The following ARID4A variants were observed in gnomAD, a reference collection of about 807,000 sequenced individuals.
The protein encoded by ARID4A is AT-rich interactive domain-containing protein 4A.
A neutral mutation model predicts 148.6 loss-of-function variants in ARID4A; 39 were observed. That is an observed-to-expected ratio of 0.26 (90% CI 0.20 to 0.34). The LOEUF is 0.34. ARID4A is among the 10% of genes least tolerant of loss of function. The pLI is 1.00. For missense variants in ARID4A, 1,265 were observed against 1,449.1 expected (o/e 0.87, Z 2.06); for synonymous variants, 475 against 481.2 (o/e 0.99, Z 0.17).
intron 11 of ARID4A, among the ~76,000 whole-genome samples, chr14:58,334,357 A>G (rs909989909): frequency 2.0e-5 from 3 of 152,182 alleles, no homozygotes; most frequent in Non-Finnish European, 4.4e-5. Context: ...AGAATCATGT[A>G]ATCATTTATT....
At chr14:58,336,893 T>C (rs2033844680) in intron 11 of ARID4A, among the ~76,000 whole-genome samples, 1 of 151,722 alleles carries the variant, frequency 6.6e-6, no homozygotes, top group Non-Finnish European at 1.5e-5. Context: ...CTTTTTTCTT[T>C]TCTTTTTTTT....
chr14:58,333,983 A>G (rs956617574), intron 11 of ARID4A, among the ~76,000 whole-genome samples: 2 of 152,204 alleles, frequency 1.3e-5, no homozygotes, highest in African/African-American at 4.8e-5. Flanking sequence ...TTGCAATCAT[A>G]TATGACAACT....
At chr14:58,301,300 ATAG>A (rs35207089) in intron 2 of ARID4A, among the ~76,000 whole-genome samples, 106,452 of 151,558 alleles carry the variant, frequency 0.7, 37,754 homozygotes, top group Middle Eastern at 0.87. Context: ...TGCTTATATA[ATAG>A]TAGAATTTTT....
At chr14:58,307,714 G>A (rs1211937251) in intron 5 of ARID4A, among the ~76,000 whole-genome samples, 1 of 152,196 alleles carries the variant, frequency 6.6e-6, no homozygotes, top group East Asian at 1.9e-4. Flanking sequence ...CAGCTACTCA[G>A]TAGGCTGAGG....
chr14:58,323,362 T>C (rs2033019358), intron 7 of ARID4A, 123 bp from the exon 8 acceptor site: 1 of 1,116,818 alleles, frequency 9.0e-7, no homozygotes. Context: ...ACAATAAGAA[T>C]GGAGAGGCTA....
At chr14:58,355,708 G>A (rs2034839424) in intron 17 of ARID4A, among the ~76,000 whole-genome samples, 3 of 152,128 alleles carry the variant, frequency 2.0e-5, no homozygotes, top group Admixed American at 6.5e-5. Context: ...AGGGGAAAAG[G>A]AATATATCAT....
chr14:58,365,334 A>G, intron 20 of ARID4A, 34 bp downstream of exon 20: 1 of 1,560,222 alleles, frequency 6.4e-7, no homozygotes. Context: ...AAGTGTTTAT[A>G]TGAAACCAAA....
intron 12 of ARID4A, among the ~76,000 whole-genome samples, chr14:58,345,019 C>A (rs1456035525): frequency 6.6e-6 from 1 of 151,926 alleles, no homozygotes; most frequent in South Asian, 2.1e-4. Context: ...ACTACAGGCA[C>A]GTGCCACCAT....
At chr14:58,339,946 G>A (rs1023267486) in intron 11 of ARID4A, among the ~76,000 whole-genome samples, 1 of 151,954 alleles carries the variant, frequency 6.6e-6, no homozygotes, top group Admixed American at 6.6e-5. Context: ...ACTACCATGA[G>A]AACAGCAAGG....
At chr14:58,305,670 C>A (rs1243077431) in intron 4 of ARID4A, among the ~76,000 whole-genome samples, 1 of 152,052 alleles carries the variant, frequency 6.6e-6, no homozygotes, top group Non-Finnish European at 1.5e-5. Context: ...TTTTACAGTT[C>A]TTCGATTTAA....
chr14:58,332,256 G>A (rs1357250271), intron 11 of ARID4A, among the ~76,000 whole-genome samples: 1 of 151,972 alleles, frequency 6.6e-6, no homozygotes, highest in Non-Finnish European at 1.5e-5. Flanking sequence ...AAGCTTACAA[G>A]GATAGTATCT....
intron 11 of ARID4A, 141 bp downstream of exon 11, chr14:58,330,310 G>A: frequency 1.8e-5 from 23 of 1,252,454 alleles, no homozygotes; most frequent in Non-Finnish European, 2.4e-5. Context: ...TGGGTGTTGA[G>A]GAAGCATTTT....
intron 5 of ARID4A, among the ~76,000 whole-genome samples, chr14:58,317,611 C>A (rs1017880277): frequency 7.1e-4 from 99 of 139,036 alleles, no homozygotes; most frequent in African/African-American, 2.5e-3. Context: ...TTTAAAAAAA[C>A]CTTTATATTT....
intron 19 of ARID4A, among the ~76,000 whole-genome samples, 178 bp from the exon 20 acceptor site, chr14:58,363,992 T>C (rs1334447856): frequency 6.6e-6 from 1 of 152,124 alleles, no homozygotes; most frequent in Admixed American, 6.5e-5. Flanking sequence ...TAGTTTCCCC[T>C]CCCCCTCAAA....
intron 7 of ARID4A, among the ~76,000 whole-genome samples, chr14:58,322,689 C>T (rs905566367): frequency 4.6e-5 from 7 of 152,124 alleles, no homozygotes; most frequent in East Asian, 1.9e-4. Flanking sequence ...TGGCTGGGCA[C>T]GTTGCCTCAC....
intron 17 of ARID4A, among the ~76,000 whole-genome samples, chr14:58,357,207 T>C (rs2034913116): frequency 1.3e-5 from 2 of 152,206 alleles, no homozygotes; most frequent in African/African-American, 2.4e-5. Context: ...CTAATATGAG[T>C]GTTCTGAGCA....
At chr14:58,312,975 G>C (rs193209272) in intron 5 of ARID4A, among the ~76,000 whole-genome samples, 159 of 152,294 alleles carry the variant, frequency 1.0e-3, no homozygotes, top group African/African-American at 3.4e-3. Flanking sequence ...ATGGGTCTTT[G>C]TATTTAGTAG....
chr14:58,309,718 T>C (rs1379651516), intron 5 of ARID4A, among the ~76,000 whole-genome samples: 1 of 152,206 alleles, frequency 6.6e-6, no homozygotes, highest in East Asian at 1.9e-4. Flanking sequence ...ACTTTGAAAA[T>C]GTACACACAC....
chr14:58,367,106 T>C (rs1402446556), intron 23 of ARID4A, 77 bp downstream of exon 23: 3 of 1,139,962 alleles, frequency 2.6e-6, no homozygotes, highest in East Asian at 5.8e-5. Context: ...AATTTGATAC[T>C]CTTTGAATAT....
Sources: gnomAD v4.1 joint callset for allele counts (sites outside exome capture counted in the v4.1 genomes callset) on GRCh38, gnomAD v4.1.1 for gene constraint, MANE v1.5 for transcripts, NCBI Gene and HGNC (gene_info 2026-07-23, HGNC 2026-07-21) for gene names.